Variants in ACAD10 observed in about 807,000 individuals in gnomAD.
ACAD10 encodes ACAD-10.
ACAD10 carries 112 observed loss-of-function variants against 116.8 expected under a neutral mutation model. The observed-to-expected ratio is 0.96, with a 90% confidence interval of 0.82 to 1.12. The LOEUF is 1.12. Ranked by LOEUF, ACAD10 falls within the 50% of genes most tolerant of loss-of-function variation. ACAD10 has a pLI of 0.00. For synonymous variants in ACAD10, 486 were observed against 510.6 expected, an observed-to-expected ratio of 0.95 and a Z score of 0.65; for missense variants, 1,259 against 1,350.2, an observed-to-expected ratio of 0.93 and a Z score of 1.06.
chr12:111,745,098 G>T, intron 13 of ACAD10, 55 bp downstream of exon 13: 2 of 1,546,576 alleles, frequency 1.3e-6, no homozygotes, highest in South Asian at 2.4e-5. Context: ...TACCCTCCCC[G>T]ACCCCACCGG....
intron 3 of ACAD10, among the ~76,000 whole-genome samples, chr12:111,704,184 C>T (rs910880152): frequency 4.6e-5 from 7 of 151,214 alleles, no homozygotes; most frequent in Admixed American, 1.3e-4. Flanking sequence ...CTCTGTTGCC[C>T]AGGCTGGAGT....
intron 7 of ACAD10, among the ~76,000 whole-genome samples, chr12:111,719,454 A>G (rs1005593945): frequency 2.0e-4 from 31 of 151,768 alleles, no homozygotes; most frequent in Non-Finnish European, 1.0e-4. Context: ...GGGTTTCACC[A>G]CTTCGGCCAG....
chr12:111,713,460 A>G (rs1295276241), intron 6 of ACAD10, among the ~76,000 whole-genome samples: 1 of 151,962 alleles, frequency 6.6e-6, no homozygotes, highest in Non-Finnish European at 1.5e-5. Context: ...CCTTGACTCT[A>G]CTAAAAATAC....
Position 111,705,828 on chromosome 12 carries a change from A to G in ACAD10, c.427A>G (p.Thr143Ala). The G allele has an allele frequency of 6.2e-7, 1 of 1,614,190 alleles. No individual in the cohort carries two copies. The highest frequency in any genetic ancestry group is 8.5e-7 in the Non-Finnish European group (1 of 1,180,038). The change falls in exon 4 of 21, where the codon ACT becomes GCT. Residue 143 changes from threonine to alanine, a missense_variant. Transcript: ENST00000313698. The stretch of plus-strand genomic sequence containing the variant: ...GTTCCCAGTGATGACTGAGGCCATA[A>G]CTCAAATTCGGGCAAAAGGTCTTCA... ...KQFPVMTEAI[T>A]QIRAKGLQTA...
intron 7 of ACAD10, among the ~76,000 whole-genome samples, chr12:111,720,754 T>G (rs1403184048): frequency 6.6e-6 from 1 of 152,028 alleles, no homozygotes; most frequent in Admixed American, 6.6e-5. Flanking sequence ...AACATCTGTC[T>G]TTTATTTTTA....
At position 111,756,397 on chromosome 12, in the gene ACAD10, C is replaced by A; in HGVS notation, c.3104C>A (p.Ala1035Asp). The change falls in exon 21 of 21, where the codon GCC becomes GAC. Residue 1035 changes from alanine to aspartate, a missense_variant. Ala to Asp is a moderately radical substitution (Grantham distance 126). Coordinates refer to ENST00000313698, the MANE Select transcript of ACAD10 (RefSeq NM_025247.6). The stretch of plus-strand genomic sequence containing the variant: ...GCTCAGTTCTTCACCTGGGCCCGAG[C>A]CCTGCGCTTTGCCGACGGCCCTGAC... ...PLAQFFTWARALRFADGPDEV... is the reference protein window; with the variant it reads ...PLAQFFTWARDLRFADGPDEV... 6.2e-7 allele frequency: 1 copy of A among 1,612,310 alleles called. No individual in the cohort carries two copies. The highest frequency in any genetic ancestry group is 8.5e-7 in the Non-Finnish European group (1 of 1,179,762).
chr12:111,705,314 C>A (rs1473701910), intron 3 of ACAD10, among the ~76,000 whole-genome samples: 2 of 152,110 alleles, frequency 1.3e-5, no homozygotes, highest in African/African-American at 4.8e-5. Flanking sequence ...CAGCTCCAAT[C>A]TCCCAGGCTC....
rs757667354 is a variant in ACAD10 at position 111,747,284 on chromosome 12, T to C, written c.2395-11T>C. On this transcript the variant is annotated splice_polypyrimidine_tract_variant and intron_variant, in intron 15 of 20. Coordinates refer to ENST00000313698, the MANE Select transcript of ACAD10 (RefSeq NM_025247.6). The stretch of plus-strand genomic sequence containing the variant: ...GCTGGCGTCTCTGACTGGAATATGC[T>C]CCCCACTCAGGTTGCCTCTTCAGAT... The C allele has an allele frequency of 1.2e-6, 2 of 1,614,012 alleles. No homozygotes were observed. The highest frequency in any genetic ancestry group is 1.7e-6 in the Non-Finnish European group (2 of 1,179,962).
intron 4 of ACAD10, among the ~76,000 whole-genome samples, chr12:111,707,858 G>T (rs1349457939): frequency 1.3e-5 from 2 of 152,212 alleles, no homozygotes; most frequent in African/African-American, 4.8e-5. Context: ...TTGTAAAGAT[G>T]CTGGGTCTGT....
intron 7 of ACAD10, among the ~76,000 whole-genome samples, chr12:111,718,941 A>C (rs11503168): frequency 0.46 from 69,257 of 151,546 alleles, 20,171 homozygotes; most frequent in East Asian, 0.94. Context: ...CCTGTCTCTA[A>C]TAAAAATACA....
intron 1 of ACAD10, among the ~76,000 whole-genome samples, chr12:111,690,855 A>G (rs982077040): frequency 6.6e-6 from 1 of 151,974 alleles, no homozygotes; most frequent in Non-Finnish European, 1.5e-5. Flanking sequence ...GGGATGCTCA[A>G]AGTATATAGT....
chr12:111,696,877 T>C (rs1888202716), intron 2 of ACAD10, among the ~76,000 whole-genome samples: 1 of 152,120 alleles, frequency 6.6e-6, no homozygotes, highest in East Asian at 1.9e-4. Flanking sequence ...GTCAGGAGAT[T>C]GAAACCATCT....
chr12:111,724,861 A>G (rs1430512958), intron 8 of ACAD10, among the ~76,000 whole-genome samples: 1 of 150,712 alleles, frequency 6.6e-6, no homozygotes, highest in African/African-American at 2.4e-5. Context: ...GACCGTGGAA[A>G]GAGAGGGAGA....
intron 12 of ACAD10, among the ~76,000 whole-genome samples, chr12:111,740,039 T>G (rs1264259524): frequency 1.8e-4 from 27 of 152,124 alleles, no homozygotes; most frequent in Non-Finnish European, 8.8e-5. Context: ...CTCCAAAAAA[T>G]CCAGGACAGT....
chr12:111,744,207 T>C (rs1797635728), intron 12 of ACAD10, among the ~76,000 whole-genome samples: 1 of 152,162 alleles, frequency 6.6e-6, no homozygotes, highest in Non-Finnish European at 1.5e-5. Context: ...GGCTCTTCCT[T>C]TAGTCAGTTG....
intron 5 of ACAD10, 27 bp downstream of exon 5, chr12:111,709,711 C>T: frequency 2.5e-6 from 4 of 1,580,456 alleles, no homozygotes; most frequent in Non-Finnish European, 3.4e-6. Flanking sequence ...TTTGAACTCC[C>T]TCCCATGCAC....
intron 20 of ACAD10, 159 bp downstream of exon 20, chr12:111,755,904 G>A (rs1322142210): frequency 4.9e-6 from 4 of 809,806 alleles, no homozygotes; most frequent in African/African-American, 3.4e-5. Flanking sequence ...GAATGACCCA[G>A]CAAGGTGGGA....
intron 2 of ACAD10, among the ~76,000 whole-genome samples, chr12:111,697,148 G>A (rs562516600): frequency 3.3e-5 from 5 of 151,890 alleles, no homozygotes; most frequent in Non-Finnish European, 7.4e-5. Context: ...GACTGAGGCA[G>A]GAGAATTGCT....
At chr12:111,715,644 A>G (rs1888818610) in intron 6 of ACAD10, 177 bp from the exon 7 acceptor site, 1 of 709,468 alleles carries the variant, frequency 1.4e-6, no homozygotes, top group African/African-American at 1.8e-5. Flanking sequence ...GAGTTGGCGG[A>G]GTGTAGACCT....
Sources: gnomAD v4.1 joint callset for allele counts (sites outside exome capture counted in the v4.1 genomes callset) on GRCh38, gnomAD v4.1.1 for gene constraint, MANE v1.5 for transcripts, NCBI Gene and HGNC (gene_info 2026-07-23, HGNC 2026-07-21) for gene names.